EIF5: variants seen among roughly 807,000 people sequenced by gnomAD.
EIF5 encodes eukaryotic translation initiation factor 5.
EIF5 carries 10 observed loss-of-function variants against 48.3 expected under a neutral mutation model. That is an observed-to-expected ratio of 0.21 (90% CI 0.13 to 0.35). The LOEUF is 0.35. Among genes scored for constraint, EIF5 ranks in the 10% least tolerant of loss-of-function variants. The pLI, the probability that EIF5 is intolerant of heterozygous loss-of-function variation, is 1.00. For missense variants in EIF5, 397 were observed against 533.2 expected (o/e 0.74, Z 2.51); for synonymous variants, 237 against 173.1 (o/e 1.37, Z -2.90).
rs545920157 is a variant in EIF5 at position 103,344,728 on chromosome 14, G to A, written c.*3676G>A. ...CTAAAAAATAAAAATCAAGTCTTTAGGAGAGTAGAAAACACAATTAACTAA... is the reference window on the plus strand; with the variant it reads ...CTAAAAAATAAAAATCAAGTCTTTAAGAGAGTAGAAAACACAATTAACTAA... On this transcript the variant is annotated 3_prime_UTR_variant, in exon 12 of 12. Transcript: ENST00000216554. 7 of 152,164 alleles carry A rather than the reference G, an allele frequency of 4.6e-5. No homozygotes were observed. The South Asian group carries it at 1.5e-3, about 32-fold the overall frequency. The allele number at this position is 152,164 out of a possible 1,614,324, so 9.4% of individuals were successfully genotyped here.
Position 103,340,943 on chromosome 14 carries a change from A to G in EIF5, c.1207-20A>G, listed in dbSNP as rs1237392857. On this transcript the variant is annotated intron_variant, in intron 11 of 11. Transcript: ENST00000216554. ...ACAGATTTATCAGCTTATGTTGAAT[A>G]AAATCATTCCTCTTAACAGGTGGTG... 1.7e-5 allele frequency: 27 copies of G among 1,609,670 alleles called. No homozygotes were observed. The highest frequency in any genetic ancestry group is 2.3e-5 in the Non-Finnish European group (27 of 1,175,994).
intron 9 of EIF5, 78 bp downstream of exon 9, chr14:103,339,411 T>G: frequency 2.0e-6 from 3 of 1,521,448 alleles, no homozygotes; most frequent in Non-Finnish European, 2.6e-6. Flanking sequence ...CCACTTTTGC[T>G]TGTCCTGTCA....
At position 103,336,664 on chromosome 14, in the gene EIF5, T is replaced by C; in HGVS notation, c.155-13T>C. 6.3e-7 allele frequency: 1 copy of C among 1,596,256 alleles called. No individual in the cohort carries two copies. Among genetic ancestry groups the C allele is most frequent in the Non-Finnish European group, 8.5e-7 (1 of 1,172,828 alleles). On this transcript the variant is annotated splice_polypyrimidine_tract_variant and intron_variant, in intron 4 of 11. Coordinates refer to ENST00000216554, the MANE Select transcript of EIF5 (RefSeq NM_001969.5). Reference sequence around the variant, plus strand: ...TAACTGTAACGATCCAAACTCCTTTTTCATTCAAATAGATCCCACCAAATA... The same window carrying C: ...TAACTGTAACGATCCAAACTCCTTTCTCATTCAAATAGATCCCACCAAATA...
rs943405283 is a variant in EIF5, at chr14:103,337,282, G to A, written c.439+55G>A. ...CCTAAGATAAGTTACTAACTGTTGG[G>A]AACAAAATAGAAGGTTTTTTTGTAA... On this transcript the variant is annotated intron_variant, in intron 6 of 11. Coordinates refer to ENST00000216554, the MANE Select transcript of EIF5 (RefSeq NM_001969.5). The A allele has an allele frequency of 6.3e-6, 9 of 1,435,402 alleles. No individual in the cohort carries two copies. The African/African-American group carries it at 8.6e-5, about 14-fold the overall frequency. The allele number at this position is 1,435,402 out of a possible 1,614,324, so 88.9% of individuals were successfully genotyped here.
chr14:103,335,424 T>G (rs1230326705), intron 2 of EIF5: 1 of 168,026 alleles, frequency 6.0e-6, no homozygotes, highest in Non-Finnish European at 1.3e-5. Flanking sequence ...TTGTGTTTTC[T>G]TGTCAGGCAT....
At chr14:103,337,541 G>T (rs1344418793) in intron 6 of EIF5, 1 of 379,520 alleles carries the variant, frequency 2.6e-6, no homozygotes, top group South Asian at 3.0e-5. Flanking sequence ...GGCAGAGGTT[G>T]CACTGAGCTG....
At chr14:103,336,635 T>C (rs141888147) in intron 4 of EIF5, 42 bp from the exon 5 acceptor site, 2 of 1,548,722 alleles carry the variant, frequency 1.3e-6, no homozygotes, top group South Asian at 1.2e-5. Context: ...GCCAGAGATC[T>C]AGTTAACTGT....
Position 103,338,918 on chromosome 14 carries a change from A to G in EIF5, c.744+25A>G. 1 of 1,609,216 alleles carries G rather than the reference A, an allele frequency of 6.2e-7. No homozygotes were observed. The highest frequency in any genetic ancestry group is 8.5e-7 in the Non-Finnish European group (1 of 1,177,158). On this transcript the variant is annotated intron_variant, in intron 8 of 11. Coordinates refer to ENST00000216554, the MANE Select transcript of EIF5 (RefSeq NM_001969.5). ...GGTAAAACATTTGCTTGGTCTGTAA[A>G]TCAGCTTCAACCCAGCCTTGTTTGT...
In EIF5 at chr14:103,340,606, G is replaced by C. The variant is rs754887289; in HGVS notation, c.1206+45G>C. Reference sequence around the variant, plus strand: ...GGTATTGGATACAGTGCTGGCATGGGTGTTTGAGATTTAAAAAGGTTTGTG... The same window carrying C: ...GGTATTGGATACAGTGCTGGCATGGCTGTTTGAGATTTAAAAAGGTTTGTG... On this transcript the variant is annotated intron_variant, in intron 11 of 11. Transcript: ENST00000216554. 2.5e-6 allele frequency: 4 copies of C among 1,572,232 alleles called. No homozygotes were observed. In the Admixed American group the frequency reaches 5.3e-5, roughly 21 times the overall value.
intron 6 of EIF5, 189 bp from the exon 7 acceptor site, chr14:103,338,138 C>G (rs1014142950): frequency 1.2e-6 from 1 of 827,336 alleles, no homozygotes; most frequent in African/African-American, 1.7e-5. Context: ...CATTCTTAGA[C>G]TAACATTCTT....
chr14:103,336,881 G>A (rs887827868), intron 5 of EIF5, 32 bp downstream of exon 5: 31 of 1,590,154 alleles, frequency 1.9e-5, no homozygotes, highest in African/African-American at 2.7e-5. Context: ...GAAAGAAAAA[G>A]CCATATACCT....
In EIF5 at chr14:103,341,157, A is replaced by G. The variant is rs148963152; in HGVS notation, c.*105A>G. On this transcript the variant is annotated 3_prime_UTR_variant, in exon 12 of 12. Transcript: ENST00000216554. ...GCAAAAGCTAAAATGGCTTAACATCATGCTACACTTTACACTAAAAATCTA... is the reference window on the plus strand; with the variant it reads ...GCAAAAGCTAAAATGGCTTAACATCGTGCTACACTTTACACTAAAAATCTA... 716 of 979,526 alleles carry G rather than the reference A, an allele frequency of 7.3e-4. 3 individuals carry two copies. The African/African-American group carries it at 9.9e-3, about 14-fold the overall frequency. 60.7% of individuals were successfully genotyped at this position (979,526 alleles called of 1,614,324 possible).
At chr14:103,336,908 T>C (rs960164107) in intron 5 of EIF5, 59 bp downstream of exon 5, 4 of 1,536,280 alleles carry the variant, frequency 2.6e-6, no homozygotes, top group African/African-American at 1.4e-5. Context: ...GTGATACCGC[T>C]AAGTCACCTT....
At chr14:103,338,292 T>TG in intron 6 of EIF5, 35 bp from the exon 7 acceptor site, 1 of 1,604,184 alleles carries the variant, frequency 6.2e-7, no homozygotes, top group South Asian at 1.1e-5. Flanking sequence ...ATGTAAGTTA[T>TG]GGGGTTAAAT....
chr14:103,340,106 C>T (rs985831077), intron 10 of EIF5, among the ~76,000 whole-genome samples: 4 of 152,296 alleles, frequency 2.6e-5, no homozygotes, highest in Admixed American at 6.5e-5. Context: ...ATCCACTGGC[C>T]TCCCAAAGTG....
At chr14:103,340,383 T>A (rs770949250) in intron 10 of EIF5, 44 bp from the exon 11 acceptor site, 7 of 1,578,852 alleles carry the variant, frequency 4.4e-6, no homozygotes, top group Non-Finnish European at 6.1e-6. Flanking sequence ...AATCAAAAGT[T>A]GTTAAAATTC....
rs1228423336 is a variant in EIF5 at position 103,339,195 on chromosome 14, T to G, written c.768T>G (p.Ile256Met). The G allele has an allele frequency of 1.2e-6, 2 of 1,609,404 alleles. No homozygotes were observed. Among genetic ancestry groups the G allele is most frequent in the Admixed American group, 3.4e-5 (2 of 58,538 alleles). The change falls in exon 9 of 12, where the codon ATT becomes ATG. Residue 256 changes from isoleucine (I) to methionine (M), a missense_variant. By Grantham distance (10) the Ile-to-Met change is conservative (BLOSUM62 1). This residue lies in a region of EIF5 where 126 missense variants were observed against 141.9 expected (regional missense o/e 0.89). Transcript: ENST00000216554. ...FVKKKKEEGV[I>M]DSSDKEIVAE... ...AGAAAAAGAAAGAAGAGGGTGTTATTGATTCATCTGACAAAGAAATCGTTG... is the reference window on the plus strand; with the variant it reads ...AGAAAAAGAAAGAAGAGGGTGTTATGGATTCATCTGACAAAGAAATCGTTG...
intron 9 of EIF5, 28 bp from the exon 10 acceptor site, chr14:103,339,611 T>C (rs2089329513): frequency 8.1e-7 from 1 of 1,235,718 alleles, no homozygotes; most frequent in South Asian, 1.5e-5. Flanking sequence ...ATAAAAAAGA[T>C]TGTTAACACC....
chr14:103,339,852 T>C (rs540754035), intron 10 of EIF5, 49 bp downstream of exon 10: 47 of 1,574,258 alleles, frequency 3.0e-5, no homozygotes, highest in Non-Finnish European at 3.7e-5. Flanking sequence ...TTTGGGGGGT[T>C]TTTTTGTTTG....
Sources: allele counts gnomAD v4.1 joint callset (sites outside exome capture counted in the v4.1 genomes callset), GRCh38; gene constraint gnomAD v4.1.1; regional missense constraint gnomAD v4.1.1; transcripts MANE v1.5; gene names NCBI Gene and HGNC (gene_info 2026-07-23, HGNC 2026-07-21).